Variants in NSD3 observed in about 807,000 individuals in gnomAD.
NSD3 encodes the protein histone-lysine N-methyltransferase NSD3.
In NSD3, 24 loss-of-function variants were observed where a neutral mutation model predicts 160.8. The ratio of observed to expected loss-of-function variants is 0.15; its 90% CI spans 0.11 to 0.21. The LOEUF (loss-of-function observed/expected upper bound fraction) is 0.21. Among genes scored for constraint, NSD3 ranks in the 10% least tolerant of loss-of-function variants. The pLI, the probability that NSD3 is intolerant of heterozygous loss-of-function variation, is 1.00. For missense variants in NSD3, 1,157 were observed against 1,735.9 expected, an observed-to-expected ratio of 0.67 and a Z score of 5.93; for synonymous variants, 520 against 600.0, an observed-to-expected ratio of 0.87 and a Z score of 1.95.
intron 1 of NSD3, among the ~76,000 whole-genome samples, chr8:38,377,964 C>A (rs1261702837): frequency 6.6e-6 from 1 of 151,946 alleles, no homozygotes; most frequent in African/African-American, 2.4e-5. Flanking sequence ...AAGCAAAATG[C>A]AGATAGTATG....
At chr8:38,348,758 C>T (rs1168537190) in intron 1 of NSD3, among the ~76,000 whole-genome samples, 2 of 152,080 alleles carry the variant, frequency 1.3e-5, no homozygotes, top group African/African-American at 2.4e-5. Context: ...ACCTCCCAGG[C>T]TCAGGTGATC....
At position 38,381,984 on chromosome 8, in the gene NSD3, G is replaced by C. The variant is rs951518894; in HGVS notation, c.-230C>G. 2 of 152,618 alleles carry C rather than the reference G, an allele frequency of 1.3e-5. No individual in the cohort carries two copies. The highest frequency in any genetic ancestry group is 4.8e-5 in the African/African-American group (2 of 41,434). The allele number at this position is 152,618 out of a possible 1,614,324, so 9.5% of individuals were successfully genotyped here. A position where few individuals can be genotyped will look rare whatever the true frequency, so the allele number is the denominator to read the frequency against. On this transcript the variant is annotated 5_prime_UTR_variant, in exon 1 of 24. Coordinates refer to ENST00000317025, the MANE Select transcript of NSD3 (RefSeq NM_023034.2). Reference sequence around the variant, plus strand: ...CGCGCCGGACGCCTCTGCCATGGCGGCCGGCACTGAGGAGGGCCACGGCCG... The same window carrying C: ...CGCGCCGGACGCCTCTGCCATGGCGCCCGGCACTGAGGAGGGCCACGGCCG...
At chr8:38,379,019 A>C (rs1811472315) in intron 1 of NSD3, among the ~76,000 whole-genome samples, 1 of 152,094 alleles carries the variant, frequency 6.6e-6, no homozygotes, top group African/African-American at 2.4e-5. Flanking sequence ...AACAATCACC[A>C]ATCTCAAAGA....
rs774903878 is a variant in NSD3 at position 38,329,325 on chromosome 8, T to C, written c.1581+53A>G. On this transcript the variant is annotated intron_variant, in intron 6 of 23. Transcript: ENST00000317025. The surrounding 1 kb of genome is among the most constrained non-coding windows in gnomAD (Gnocchi z 4.8). ...AGGTCATTGTTTTAAATGCCAAGGT[T>C]GACCACTTTTAAAATACCATCCCCC... is the stretch of plus-strand genomic sequence containing the variant. 4 of 1,564,356 alleles carry C rather than the reference T, an allele frequency of 2.6e-6. No homozygotes were observed. The highest frequency in any genetic ancestry group is 3.5e-6 in the Non-Finnish European group (4 of 1,153,880).
intron 7 of NSD3, among the ~76,000 whole-genome samples, chr8:38,322,348 C>G (rs370307109): frequency 7.2e-5 from 11 of 152,112 alleles, no homozygotes; most frequent in African/African-American, 2.7e-4. Context: ...TGGCTCCTTT[C>G]TTTACTCTCA....
chr8:38,321,153 T>A lies in NSD3; in HGVS notation c.1728A>T (p.Gln576His), dbSNP rs1057264224. 1.4e-5 allele frequency: 22 copies of A among 1,612,322 alleles called. No individual in the cohort carries two copies. The Admixed American group carries it at 3.7e-4, about 27-fold the overall frequency. Residue 576 changes from glutamine (Q) to histidine (H), a missense_variant, in exon 8 of 24, where the codon CAA (glutamine) becomes CAT (histidine). Physicochemically the swap from Gln to His is conservative, Grantham distance 24. Transcript: ENST00000317025. This position sits in a 1 kb window ranked among gnomAD's most constrained non-coding sequence, Gnocchi z 4.7. ...AACGAGTTCTAATTGATCTTCTCTG[T>A]TGCTTCTTTTCTACTGAGCCTAAGA... ...SGSTGSVEKK[Q>H]QRRSIRTRSE...
In NSD3 at chr8:38,316,122, T is replaced by C. The variant is rs937790822; in HGVS notation, c.1856-80A>G. On this transcript the variant is annotated intron_variant, in intron 9 of 23. Transcript: ENST00000317025. The surrounding 1 kb of genome is among the most constrained non-coding windows in gnomAD (Gnocchi z 4.5). ...TTTTTTTGTGTGTGGGAGAATATTT[T>C]CTTTTCTCAAACTCATCTTTAGTGT... is the stretch of plus-strand genomic sequence containing the variant. 1 of 1,558,086 alleles carries C rather than the reference T, an allele frequency of 6.4e-7. No homozygotes were observed.
At chr8:38,369,619 C>T (rs773207406) in intron 1 of NSD3, among the ~76,000 whole-genome samples, 7 of 152,110 alleles carry the variant, frequency 4.6e-5, no homozygotes, top group Non-Finnish European at 1.0e-4. Context: ...TACAGTTCTA[C>T]GCACACTCTA....
In NSD3 at chr8:38,317,761, G is replaced by GAA; in HGVS notation, c.1855+1132_1855+1133dup. The GAA allele has an allele frequency of 1.4e-5, 17 of 1,212,456 alleles. No homozygotes were observed. The highest frequency in any genetic ancestry group is 3.2e-4 in the Middle Eastern group (1 of 3,134). The allele number at this position is 1,212,456 out of a possible 1,614,324, so 75.1% of individuals were successfully genotyped here. A position where few individuals can be genotyped will look rare whatever the true frequency, so the allele number is the denominator to read the frequency against. ...AAGCTGTACCCATCCAGCTCAAACCGAAAAAAAAAAATCATTTGACTGTTA... is the reference window on the plus strand; with the variant it reads ...AAGCTGTACCCATCCAGCTCAAACCGAAAAAAAAAAAAATCATTTGACTGTTA... On this transcript the variant is annotated intron_variant, in intron 9 of 23. Coordinates refer to ENST00000317025, the MANE Select transcript of NSD3 (RefSeq NM_023034.2). This position sits in a 1 kb window ranked among gnomAD's most constrained non-coding sequence, Gnocchi z 5.3.
At chr8:38,289,607 G>A in intron 17 of NSD3, 102 bp from the exon 18 acceptor site, 1 of 1,057,228 alleles carries the variant, frequency 9.5e-7, no homozygotes, top group African/African-American at 1.6e-5. Flanking sequence ...CATCTGGCCT[G>A]AGATTTTTCT....
At chr8:38,336,879 C>T (rs1204829110) in intron 4 of NSD3, among the ~76,000 whole-genome samples, 1 of 152,184 alleles carries the variant, frequency 6.6e-6, no homozygotes. Context: ...CAGTGGCTCA[C>T]GCCTGTAATC....
intron 19 of NSD3, among the ~76,000 whole-genome samples, chr8:38,281,894 G>A (rs993354719): frequency 6.6e-6 from 1 of 152,178 alleles, no homozygotes; most frequent in African/African-American, 2.4e-5. Flanking sequence ...TATTATAACA[G>A]AATTTTACTA....
intron 1 of NSD3, chr8:38,380,499 C>G (rs966753952): frequency 1.1e-4 from 17 of 152,222 alleles, no homozygotes; most frequent in Non-Finnish European, 2.1e-4. Context: ...ACGTAAAAGA[C>G]TTCACGATCA....
In NSD3 at chr8:38,329,828, T is replaced by C. The variant is rs1810010583; in HGVS notation, c.1131A>G (p.Lys377=). ...TTTCTTCTCGAGTCATTTTCAATGC[T>C]TTCTCTGCATGGGCAATGCCAATAT... The part of the protein sequence containing the change: ...QWDIGIAHAE[K]ALKMTREERI... Residue 377 remains lysine, a synonymous_variant, in exon 6 of 24, where the codon AAA becomes AAG. Transcript: ENST00000317025. This position sits in a 1 kb window ranked among gnomAD's most constrained non-coding sequence, Gnocchi z 4.8. 1.9e-6 allele frequency: 3 copies of C among 1,613,076 alleles called. No homozygotes were observed. The highest frequency in any genetic ancestry group is 1.3e-5 in the African/African-American group (1 of 74,912).
At chr8:38,305,559 A>C in intron 12 of NSD3, 114 bp from the exon 13 acceptor site, 1 of 916,756 alleles carries the variant, frequency 1.1e-6, no homozygotes, top group Non-Finnish European at 1.6e-6. Context: ...TACTATACTT[A>C]AGAATTTAAT....
intron 1 of NSD3, among the ~76,000 whole-genome samples, chr8:38,351,565 A>C (rs1810701536): frequency 6.6e-6 from 1 of 151,524 alleles, no homozygotes; most frequent in African/African-American, 2.4e-5. Flanking sequence ...TGGGAGGCTG[A>C]GGCAGGAGAA....
At chr8:38,348,469 C>T (rs1356329522) in intron 1 of NSD3, among the ~76,000 whole-genome samples, 1 of 152,150 alleles carries the variant, frequency 6.6e-6, no homozygotes, top group African/African-American at 2.4e-5. Flanking sequence ...TTTATCATCA[C>T]CACCAACACA....
intron 2 of NSD3, among the ~76,000 whole-genome samples, chr8:38,346,289 T>C (rs1037928938): frequency 2.7e-5 from 4 of 147,646 alleles, no homozygotes; most frequent in African/African-American, 9.9e-5. Flanking sequence ...TATACATATA[T>C]AGTATATAGT....
At chr8:38,348,516 TAGAGATCGTCTC>T (rs1810589354) in intron 1 of NSD3, among the ~76,000 whole-genome samples, 1 of 152,176 alleles carries the variant, frequency 6.6e-6, no homozygotes. Context: ...TTTCCCAAGT[TAGAGATCGTCTC>T]AGGTTAAAAC....
Sources: gnomAD v4.1 joint callset for allele counts (sites outside exome capture counted in the v4.1 genomes callset) on GRCh38, gnomAD v4.1.1 for gene constraint, Gnocchi (gnomAD v3.1) non-coding constraint, MANE v1.5 for transcripts, NCBI Gene and HGNC (gene_info 2026-07-23, HGNC 2026-07-21) for gene names.